SUSD6: variants seen among roughly 807,000 people sequenced by gnomAD.
SUSD6 encodes the protein sushi domain-containing protein 6.
Under a neutral mutation model 28.4 loss-of-function variants are expected in SUSD6, and 16 were observed. The observed-to-expected ratio is 0.56, with a 90% CI of 0.38 to 0.86. The LOEUF is 0.86. Among genes scored for constraint, SUSD6 ranks in the 40% least tolerant of loss-of-function variants. SUSD6 has a pLI of 0.00. For missense variants in SUSD6, 341 were observed against 384.2 expected (o/e 0.89, Z 0.94); for synonymous variants, 147 against 159.6 (o/e 0.92, Z 0.59).
intron 1 of SUSD6, among the ~76,000 whole-genome samples, chr14:69,650,737 G>A (rs930905814): frequency 3.3e-5 from 5 of 151,954 alleles, no homozygotes; most frequent in Admixed American, 6.6e-5. Flanking sequence ...TCTCTGCAGT[G>A]TGCAGAGGCT....
Position 69,708,940 on chromosome 14 carries a change from C to G in SUSD6, c.722C>G (p.Ala241Gly). ...CCAGGCCAGTCTGGACTATGTGAAG[C>G]CTGGGGCTCTCGGGCCTCAGAGACT... Reference protein sequence around the residue: ...EAPGQSGLCEAWGSRASETVM... With the variant: ...EAPGQSGLCEGWGSRASETVM... The change falls in exon 5 of 6, where the codon GCC (alanine) becomes GGC (glycine). Residue 241 changes from alanine (A) to glycine (G), a missense_variant. Transcript: ENST00000342745. 1.2e-6 allele frequency: 2 copies of G among 1,614,180 alleles called. No individual in the cohort carries two copies. Among genetic ancestry groups the G allele is most frequent in the Non-Finnish European group, 1.7e-6 (2 of 1,180,034 alleles).
intron 2 of SUSD6, among the ~76,000 whole-genome samples, chr14:69,679,640 A>C (rs954578184): frequency 6.6e-6 from 1 of 151,926 alleles, no homozygotes; most frequent in South Asian, 2.1e-4. Context: ...TGTGTGGCCC[A>C]AAACAATTCT....
At chr14:69,624,036 C>G (rs941231211) in intron 1 of SUSD6, among the ~76,000 whole-genome samples, 30 of 152,184 alleles carry the variant, frequency 2.0e-4, no homozygotes, top group Non-Finnish European at 5.9e-5. Context: ...TGTCCTAGGC[C>G]TTCACACTCC....
intron 2 of SUSD6, among the ~76,000 whole-genome samples, chr14:69,691,515 C>T (rs1449871531): frequency 6.6e-6 from 1 of 152,176 alleles, no homozygotes; most frequent in African/African-American, 2.4e-5. Flanking sequence ...TTGCGGTTGT[C>T]TAGGCCTTTG....
At chr14:69,707,778 A>T (rs905344257) in intron 4 of SUSD6, among the ~76,000 whole-genome samples, 7 of 152,210 alleles carry the variant, frequency 4.6e-5, no homozygotes, top group South Asian at 2.1e-4. Flanking sequence ...ATTAAAAAAA[A>T]ATATATGCAA....
chr14:69,667,682 G>A (rs542343714), intron 2 of SUSD6, among the ~76,000 whole-genome samples: 3 of 151,976 alleles, frequency 2.0e-5, no homozygotes, highest in East Asian at 1.9e-4. Context: ...TGTGCCTGGC[G>A]GTTGCTCAGT....
At chr14:69,626,827 C>A (rs1435344438) in intron 1 of SUSD6, among the ~76,000 whole-genome samples, 1 of 151,728 alleles carries the variant, frequency 6.6e-6, no homozygotes, top group Non-Finnish European at 1.5e-5. Flanking sequence ...GGATTACAGG[C>A]ACGCATCACT....
rs184297242 is a variant in SUSD6 at position 69,631,205 on chromosome 14, C to T, written c.-81+19377C>T. 5.6e-4 allele frequency among the ~76,000 whole-genome samples: 86 copies of T among 152,354 alleles called. 1 individual carries two copies. In the East Asian group the frequency reaches 0.015, roughly 26 times the overall value. ...ATGTTCAGCTGGCTTTCTGCTGCTTCTCAAGCCAAGTCCAAGTCCCACCCC... is the reference window on the plus strand; with the variant it reads ...ATGTTCAGCTGGCTTTCTGCTGCTTTTCAAGCCAAGTCCAAGTCCCACCCC... On this transcript the variant is annotated intron_variant, in intron 1 of 5. Transcript: ENST00000342745.
chr14:69,698,002 G>T (rs1234830285), intron 2 of SUSD6, among the ~76,000 whole-genome samples: 1 of 152,242 alleles, frequency 6.6e-6, no homozygotes, highest in African/African-American at 2.4e-5. Flanking sequence ...ATTTAGGGAA[G>T]TCCATAGAGT....
At chr14:69,683,959 T>C (rs1453395139) in intron 2 of SUSD6, among the ~76,000 whole-genome samples, 1 of 152,218 alleles carries the variant, frequency 6.6e-6, no homozygotes. Context: ...GTGGTGCCTA[T>C]GGCCCAGTGG....
At chr14:69,618,684 T>C (rs1884993588) in intron 1 of SUSD6, among the ~76,000 whole-genome samples, 1 of 151,892 alleles carries the variant, frequency 6.6e-6, no homozygotes, top group Non-Finnish European at 1.5e-5. Context: ...TTCCCTCCTG[T>C]GTGTGTGTGT....
chr14:69,685,202 G>T (rs1471882850), intron 2 of SUSD6, among the ~76,000 whole-genome samples: 1 of 152,198 alleles, frequency 6.6e-6, no homozygotes, highest in East Asian at 1.9e-4. Flanking sequence ...ATTTCACTTG[G>T]TTTTTCAAGT....
chr14:69,614,077 A>T (rs1884921984), intron 1 of SUSD6, among the ~76,000 whole-genome samples: 2 of 151,438 alleles, frequency 1.3e-5, no homozygotes, highest in African/African-American at 2.4e-5. Context: ...TTTATTTTTT[A>T]TTTTTTTTGA....
chr14:69,640,963 A>C (rs1229055215), intron 1 of SUSD6, among the ~76,000 whole-genome samples: 2 of 152,178 alleles, frequency 1.3e-5, no homozygotes, highest in Non-Finnish European at 2.9e-5. Context: ...GTTTCAGAGG[A>C]TACTGTACTT....
In SUSD6 at chr14:69,618,718, T is replaced by A. The variant is rs553233644; in HGVS notation, c.-81+6890T>A. On this transcript the variant is annotated intron_variant, in intron 1 of 5. Transcript: ENST00000342745. ...GTGTAAATGTGTGTGAATGCAGCCA[T>A]AACTTCCCTGCCAAAATTCATTGCC... is the stretch of plus-strand genomic sequence containing the variant. Among the ~76,000 whole-genome samples the A allele has an allele frequency of 2.0e-5, 3 of 152,362 alleles. No homozygotes were observed. In the South Asian group the frequency reaches 6.2e-4, roughly 32 times the overall value.
intron 2 of SUSD6, among the ~76,000 whole-genome samples, chr14:69,691,362 G>A (rs1001127482): frequency 3.3e-5 from 5 of 152,038 alleles, no homozygotes; most frequent in African/African-American, 1.2e-4. Flanking sequence ...AAACAACAGC[G>A]ACAAAAAACC....
chr14:69,644,467 T>G (rs1047288208), intron 1 of SUSD6, among the ~76,000 whole-genome samples: 1 of 152,072 alleles, frequency 6.6e-6, no homozygotes, highest in Admixed American at 6.6e-5. Context: ...CTGGCCAACA[T>G]GGTGAAACCC....
chr14:69,671,363 T>G (rs904885632), intron 2 of SUSD6, among the ~76,000 whole-genome samples: 2 of 152,008 alleles, frequency 1.3e-5, no homozygotes, highest in Non-Finnish European at 1.5e-5. Context: ...GGACAGGAAG[T>G]GATGGGCTAG....
intron 2 of SUSD6, among the ~76,000 whole-genome samples, chr14:69,680,334 C>T (rs1021925721): frequency 2.6e-5 from 4 of 152,112 alleles, no homozygotes; most frequent in African/African-American, 9.7e-5. Flanking sequence ...TGGTTAACTG[C>T]AGTCAAGGAT....
Sources: allele counts gnomAD v4.1 joint callset (sites outside exome capture counted in the v4.1 genomes callset), GRCh38; gene constraint gnomAD v4.1.1; transcripts MANE v1.5; gene names NCBI Gene and HGNC (gene_info 2026-07-23, HGNC 2026-07-21).